The following PLAAT5 variants were observed in gnomAD, a reference collection of about 807,000 sequenced individuals.
PLAAT5 encodes phospholipase A and acyltransferase 5.
In PLAAT5, 27 loss-of-function variants were observed where a neutral mutation model predicts 27.8. The observed-to-expected ratio is 0.97, with a 90% CI of 0.72 to 1.34. PLAAT5 has a LOEUF of 1.34. Ranked by LOEUF, PLAAT5 falls within the 40% of genes most tolerant of loss-of-function variation. PLAAT5 has a pLI of 0.00. For synonymous variants in PLAAT5, 125 were observed against 136.1 expected (o/e 0.92, Z 0.57); for missense variants, 368 against 343.8 (o/e 1.07, Z -0.56).
At chr11:63,483,816 T>TATATAC (rs1555028250) in intron 3 of PLAAT5, among the ~76,000 whole-genome samples, 1 of 101,482 alleles carries the variant, frequency 9.9e-6, no homozygotes, top group Admixed American at 9.9e-5. Context: ...TATATATATA[T>TATATAC]ATATATATAT....
rs750490025 is a variant in PLAAT5, at chr11:63,490,996, G to C, written c.39C>G (p.Leu13=). The C allele has an allele frequency of 1.3e-6, 2 of 1,547,154 alleles. No homozygotes were observed. Among genetic ancestry groups the C allele is most frequent in the African/African-American group, 2.8e-5 (2 of 72,058 alleles). ...LSPGAEGEYA[L]RLPRIPPPLP... ...GGGGTGGGGGAATCCTAGGGAGGCG[G>C]AGCGCGTACTCCCCCTCGGCGCCCG... The change falls in exon 1 of 6, where the codon CTC becomes CTG. Residue 13 remains leucine (L), a synonymous_variant. Transcript: ENST00000540857.
intron 5 of PLAAT5, 45 bp from the exon 6 acceptor site, chr11:63,463,640 G>T (rs759355472): frequency 1.1e-5 from 16 of 1,494,438 alleles, no homozygotes; most frequent in Non-Finnish European, 1.5e-5. Flanking sequence ...CCAATCCTAG[G>T]CTTGCACCCT....
intron 1 of PLAAT5, chr11:63,490,579 G>A: frequency 1.5e-6 from 1 of 647,906 alleles, no homozygotes; most frequent in Non-Finnish European, 2.6e-6. Flanking sequence ...ATGAAGAAGG[G>A]CGCCTCGCCT....
intron 3 of PLAAT5, among the ~76,000 whole-genome samples, chr11:63,475,818 T>G (rs2120273842): frequency 6.6e-6 from 1 of 152,108 alleles, no homozygotes; most frequent in East Asian, 1.9e-4. Context: ...AATGTGCATC[T>G]TGACTTATTG....
intron 3 of PLAAT5, among the ~76,000 whole-genome samples, chr11:63,486,422 A>G (rs1014660147): frequency 1.3e-5 from 2 of 151,770 alleles, no homozygotes; most frequent in Non-Finnish European, 2.9e-5. Flanking sequence ...AAAATGTGGT[A>G]TATATATATA....
chr11:63,464,523 G>GCA (rs1294484026), intron 5 of PLAAT5, among the ~76,000 whole-genome samples: 1 of 152,088 alleles, frequency 6.6e-6, no homozygotes, highest in Non-Finnish European at 1.5e-5. Flanking sequence ...GGGCATGGTG[G>GCA]CGTGCACCTG....
At chr11:63,469,541 A>G (rs768682535) in intron 3 of PLAAT5, 2 of 237,198 alleles carry the variant, frequency 8.4e-6, no homozygotes, top group Non-Finnish European at 1.9e-5. Flanking sequence ...CCCAAAAGTG[A>G]TACTAAAAAG....
In PLAAT5 at chr11:63,466,248, C is replaced by T. The variant is rs144271793; in HGVS notation, c.579G>A (p.Thr193=). The T allele has an allele frequency of 1.5e-5, 25 of 1,614,154 alleles. 1 individual carries two copies. The Middle Eastern group carries it at 4.9e-4, about 32-fold the overall frequency. The part of the protein sequence containing the change: ...SWKVNNKLDG[T]YLPLPVDKII... ...TCTTGTCCACCGGCAAGGGCAGGTA[C>T]GTCCCATCTAGCTTGTTATTGACCT... The change falls in exon 5 of 6, where the codon ACG becomes ACA. Residue 193 remains threonine (T), a synonymous_variant. Coordinates refer to ENST00000540857, the MANE Select transcript of PLAAT5 (RefSeq NM_001146729.2).
chr11:63,488,180 C>A (rs533385632), intron 3 of PLAAT5, among the ~76,000 whole-genome samples: 2 of 152,190 alleles, frequency 1.3e-5, no homozygotes, highest in Non-Finnish European at 2.9e-5. Context: ...AGGAGACAGA[C>A]AAAGAAGTGC....
chr11:63,487,852 A>T (rs149392396), intron 3 of PLAAT5, among the ~76,000 whole-genome samples: 10 of 152,372 alleles, frequency 6.6e-5, no homozygotes, highest in Admixed American at 4.6e-4. Flanking sequence ...TGTCAGTCAA[A>T]ATAGTTATAT....
At position 63,462,081 on chromosome 11, in the gene PLAAT5, T is replaced by A. The variant is rs1202663229; in HGVS notation, c.*1422A>T. 1 of 152,236 alleles carries A rather than the reference T, an allele frequency of 6.6e-6. No individual in the cohort carries two copies. Among genetic ancestry groups the A allele is most frequent in the Admixed American group, 6.5e-5 (1 of 15,276 alleles). The allele number at this position is 152,236 out of a possible 1,614,324, so 9.4% of individuals were successfully genotyped here. ...ACATCCAGTTTGTTTGATGAAAGAT[T>A]AATATGGTCAATGAGCTCAAAGTCA... On this transcript the variant is annotated 3_prime_UTR_variant, in exon 6 of 6. Transcript: ENST00000540857.
chr11:63,478,618 G>A (rs2016210367), intron 3 of PLAAT5, among the ~76,000 whole-genome samples: 1 of 152,212 alleles, frequency 6.6e-6, no homozygotes, highest in Non-Finnish European at 1.5e-5. Context: ...ACCACGGATG[G>A]ACTTTCTTAA....
intron 1 of PLAAT5, 176 bp from the exon 2 acceptor site, chr11:63,490,509 G>T: frequency 1.0e-6 from 1 of 970,890 alleles, no homozygotes; most frequent in Non-Finnish European, 1.5e-6. Context: ...TGCTGGAGCG[G>T]GTTCAGTTCC....
At chr11:63,468,251 C>A in intron 4 of PLAAT5, 106 bp downstream of exon 4, 1 of 835,822 alleles carries the variant, frequency 1.2e-6, no homozygotes, top group Admixed American at 2.0e-5. Context: ...TTCAAGGGGT[C>A]CCATTGCTAA....
Position 63,463,372 on chromosome 11 carries a change from G to T in PLAAT5, c.*131C>A. 2.8e-6 allele frequency: 2 copies of T among 724,138 alleles called. No homozygotes were observed. The highest frequency in any genetic ancestry group is 1.6e-5 in the South Asian group (1 of 63,820). 44.9% of individuals were successfully genotyped at this position (724,138 alleles called of 1,614,324 possible). On this transcript the variant is annotated 3_prime_UTR_variant, in exon 6 of 6. Transcript: ENST00000540857. ...TGGATGTATTTCTGGAAGGGTAATT[G>T]GATACATTGTAGATTCTTCCAGAAG...
At chr11:63,483,784 AATATAT>A (rs56345803) in intron 3 of PLAAT5, among the ~76,000 whole-genome samples, 2 of 65,678 alleles carry the variant, frequency 3.0e-5, no homozygotes, top group African/African-American at 9.8e-5. Flanking sequence ...GCAAAAAAAA[AATATAT>A]ATATATATAT....
At chr11:63,477,811 T>TAATGGCCAGAAGTTGAGCCA (rs2016188495) in intron 3 of PLAAT5, among the ~76,000 whole-genome samples, 1 of 152,126 alleles carries the variant, frequency 6.6e-6, no homozygotes, top group Non-Finnish European at 1.5e-5. Context: ...CGGCATAGCT[T>TAATGGCCAGAAGTTGAGCCA]AATGGCCAGA....
chr11:63,483,784 AATATATATATATATATGTATATATAT>A (rs1378508373), intron 3 of PLAAT5, among the ~76,000 whole-genome samples: 29 of 65,676 alleles, frequency 4.4e-4, no homozygotes, highest in African/African-American at 2.7e-3. Context: ...GCAAAAAAAA[AATATATATATATATATGTATATATAT>A]ATATATATAT....
intron 3 of PLAAT5, among the ~76,000 whole-genome samples, chr11:63,482,912 G>T (rs2120315089): frequency 6.6e-6 from 1 of 152,176 alleles, no homozygotes; most frequent in East Asian, 1.9e-4. Flanking sequence ...GGAGGAAAAA[G>T]ATATTCCAAG....
Sources: gnomAD v4.1 joint callset for allele counts (sites outside exome capture counted in the v4.1 genomes callset) on GRCh38, gnomAD v4.1.1 for gene constraint, MANE v1.5 for transcripts, NCBI Gene and HGNC (gene_info 2026-07-23, HGNC 2026-07-21) for gene names.